LAPTM4B: variants seen among roughly 807,000 people sequenced by gnomAD.
The protein encoded by LAPTM4B is lysosomal protein transmembrane 4 beta, also known as lysosomal-associated transmembrane protein 4B.
A neutral mutation model predicts 28.5 loss-of-function variants in LAPTM4B; 26 were observed. The ratio of observed to expected loss-of-function variants is 0.91; its 90% CI spans 0.67 to 1.27. LAPTM4B has a LOEUF of 1.27. Ranked by LOEUF, LAPTM4B falls within the 50% of genes most tolerant of loss-of-function variation. The probability of loss-of-function intolerance (pLI) is 0.00; values close to 1 mark genes in which losing one functional copy is unlikely to be tolerated. For missense variants in LAPTM4B, 288 were observed against 285.8 expected (o/e 1.01, Z -0.06); for synonymous variants, 109 against 106.4 (o/e 1.02, Z -0.15).
At chr8:97,809,982 G>A (rs2449551) in intron 2 of LAPTM4B, among the ~76,000 whole-genome samples, 142,138 of 152,180 alleles carry the variant, frequency 0.93, 67,065 homozygotes, top group Non-Finnish European at 1. Flanking sequence ...CTGGAGTGCA[G>A]TGTCGCACAC....
chr8:97,812,291 C>T (rs1374003255), intron 2 of LAPTM4B, among the ~76,000 whole-genome samples: 2 of 143,698 alleles, frequency 1.4e-5, no homozygotes, highest in Non-Finnish European at 3.0e-5. Flanking sequence ...GCTATCTTGG[C>T]TCACTGCAAC....
At chr8:97,839,755 A>G (rs1033583055) in intron 6 of LAPTM4B, among the ~76,000 whole-genome samples, 1 of 152,302 alleles carries the variant, frequency 6.6e-6, no homozygotes, top group East Asian at 1.9e-4. Context: ...TTACTATAAA[A>G]CACACACACA....
chr8:97,825,014 G>A, intron 5 of LAPTM4B, 44 bp from the exon 6 acceptor site: 1 of 1,058,888 alleles, frequency 9.4e-7, no homozygotes, highest in Non-Finnish European at 1.5e-6. Flanking sequence ...TAAATTACCT[G>A]CAGTTTGAAA....
intron 6 of LAPTM4B, among the ~76,000 whole-genome samples, chr8:97,841,107 G>A (rs1389455168): frequency 1.1e-4 from 5 of 44,688 alleles, no homozygotes; most frequent in Admixed American, 9.4e-4. Context: ...TCCCAGATGG[G>A]GCAGCAGCCG....
intron 6 of LAPTM4B, among the ~76,000 whole-genome samples, chr8:97,844,118 G>C (rs1172690445): frequency 6.6e-6 from 1 of 151,620 alleles, no homozygotes; most frequent in Admixed American, 6.6e-5. Context: ...ATGGGGAGAG[G>C]GGGGTCTCTG....
At chr8:97,778,743 C>T (rs376371626) in intron 1 of LAPTM4B, among the ~76,000 whole-genome samples, 2 of 152,098 alleles carry the variant, frequency 1.3e-5, no homozygotes, top group African/African-American at 4.8e-5. Flanking sequence ...AGACTCTCCC[C>T]CTCCCCTTTC....
chr8:97,787,081 A>T (rs1459009867), intron 1 of LAPTM4B, among the ~76,000 whole-genome samples: 1 of 151,808 alleles, frequency 6.6e-6, no homozygotes, highest in Non-Finnish European at 1.5e-5. Flanking sequence ...TGCCTCCTTT[A>T]TGTTTGTCTT....
chr8:97,802,353 C>T (rs1816696087), intron 1 of LAPTM4B, among the ~76,000 whole-genome samples: 1 of 152,084 alleles, frequency 6.6e-6, no homozygotes, highest in Non-Finnish European at 1.5e-5. Flanking sequence ...AATGAGAGTT[C>T]CTCCCCATTT....
At position 97,803,568 on chromosome 8, in the gene LAPTM4B, C is replaced by T. The variant is rs558803084; in HGVS notation, c.100-1785C>T. Among the ~76,000 whole-genome samples, 116 of 152,144 alleles carry T rather than the reference C, an allele frequency of 7.6e-4. 1 individual carries two copies. In the South Asian group the frequency reaches 0.021, roughly 28 times the overall value. On this transcript the variant is annotated intron_variant, in intron 1 of 6. Coordinates refer to ENST00000521545, the MANE Select transcript of LAPTM4B (RefSeq NM_018407.6). The stretch of plus-strand genomic sequence containing the variant: ...GGATTACAGGTGTGAGCCACCGTGC[C>T]GGGCCAAAAATAAACTCTTGAATGG...
chr8:97,837,491 C>G (rs1270591271), intron 6 of LAPTM4B, among the ~76,000 whole-genome samples: 1 of 152,138 alleles, frequency 6.6e-6, no homozygotes, highest in Non-Finnish European at 1.5e-5. Context: ...GTTATTACTT[C>G]CGAGTATAGT....
chr8:97,784,696 C>T (rs780965775), intron 1 of LAPTM4B, among the ~76,000 whole-genome samples: 42 of 152,134 alleles, frequency 2.8e-4, no homozygotes, highest in Non-Finnish European at 5.0e-4. Context: ...CCTCAGCCTC[C>T]CAAAGTGTTG....
chr8:97,784,452 TTTTTTGAGACGGAG>T (rs1052621128), intron 1 of LAPTM4B, among the ~76,000 whole-genome samples: 118 of 152,334 alleles, frequency 7.7e-4, no homozygotes, highest in African/African-American at 2.7e-3. Flanking sequence ...TTTTGTTTTG[TTTTTTGAGACGGAG>T]TCTCGCTCTG....
intron 6 of LAPTM4B, among the ~76,000 whole-genome samples, chr8:97,836,750 C>A (rs900978129): frequency 6.6e-6 from 1 of 151,910 alleles, no homozygotes; most frequent in Non-Finnish European, 1.5e-5. Context: ...TTGTTAACTC[C>A]ATAGTATTTA....
intron 6 of LAPTM4B, among the ~76,000 whole-genome samples, chr8:97,843,173 G>A (rs1022684733): frequency 3.9e-5 from 6 of 152,112 alleles, no homozygotes; most frequent in African/African-American, 7.2e-5. Context: ...GAGCCACCGC[G>A]CCCGCCCTTA....
intron 6 of LAPTM4B, among the ~76,000 whole-genome samples, chr8:97,850,075 G>A (rs971809199): frequency 1.3e-5 from 2 of 151,780 alleles, no homozygotes; most frequent in Non-Finnish European, 2.9e-5. Flanking sequence ...CCAGCCTTGG[G>A]GACCTCTGTT....
chr8:97,781,984 T>C (rs1317845188), intron 1 of LAPTM4B, among the ~76,000 whole-genome samples: 2 of 115,826 alleles, frequency 1.7e-5, no homozygotes, highest in Non-Finnish European at 4.2e-5. Context: ...TTGGGGACTT[T>C]TTTTTTTTTT....
chr8:97,810,096 A>T (rs1316994378), intron 2 of LAPTM4B, among the ~76,000 whole-genome samples: 1 of 151,898 alleles, frequency 6.6e-6, no homozygotes. Context: ...TGCCTGGCTA[A>T]TTTTTTGTAG....
chr8:97,786,439 C>T (rs926811391), intron 1 of LAPTM4B, among the ~76,000 whole-genome samples: 1 of 149,590 alleles, frequency 6.7e-6, no homozygotes, highest in African/African-American at 2.5e-5. Context: ...TGTGGTGGCT[C>T]ACGCCTGTAA....
chr8:97,841,242 A>G (rs982189769), intron 6 of LAPTM4B, among the ~76,000 whole-genome samples: 1 of 121,576 alleles, frequency 8.2e-6, no homozygotes, highest in African/African-American at 3.3e-5. Context: ...CTTTAGAATA[A>G]AAGGTACAGA....
Sources: allele counts gnomAD v4.1 joint callset (sites outside exome capture counted in the v4.1 genomes callset), GRCh38; gene constraint gnomAD v4.1.1; transcripts MANE v1.5; gene names NCBI Gene and HGNC (gene_info 2026-07-23, HGNC 2026-07-21).